Variants in MSH4 observed in about 807,000 individuals in gnomAD.
MSH4 encodes mutS protein homolog 4.
In MSH4, 106 loss-of-function variants were observed where a neutral mutation model predicts 113.7. The ratio of observed to expected loss-of-function variants is 0.93; its 90% confidence interval spans 0.80 to 1.10. MSH4 has a LOEUF of 1.10. MSH4 is among the 50% of genes least tolerant of loss of function. MSH4 has a pLI of 0.00. For synonymous variants in MSH4, 368 were observed against 380.2 expected, an observed-to-expected ratio of 0.97 and a Z score of 0.37; for missense variants, 1,061 against 1,093.7, an observed-to-expected ratio of 0.97 and a Z score of 0.42.
chr1:75,838,974 T>C (rs1650892044), intron 7 of MSH4, among the ~76,000 whole-genome samples: 3 of 152,208 alleles, frequency 2.0e-5, no homozygotes, highest in Non-Finnish European at 2.9e-5. Flanking sequence ...GTTTGATAAT[T>C]CTTATATAAG....
At chr1:75,908,148 G>GT (rs774325755) in intron 19 of MSH4, among the ~76,000 whole-genome samples, 15,005 of 129,330 alleles carry the variant, frequency 0.12, 1,233 homozygotes, top group East Asian at 0.26. Flanking sequence ...ACTTTCATCT[G>GT]TTTTTTTTTT....
intron 10 of MSH4, 72 bp downstream of exon 10, chr1:75,877,072 C>T: frequency 1.0e-6 from 1 of 996,754 alleles, no homozygotes; most frequent in Non-Finnish European, 1.5e-6. Context: ...ATTTTAAAGA[C>T]TCTAATTGTA....
intron 6 of MSH4, among the ~76,000 whole-genome samples, chr1:75,818,826 A>C (rs1366180814): frequency 2.0e-5 from 3 of 151,852 alleles, no homozygotes; most frequent in Non-Finnish European, 2.9e-5. Flanking sequence ...GCAGTGGTGC[A>C]ATCTTGGCTC....
intron 19 of MSH4, among the ~76,000 whole-genome samples, chr1:75,901,986 T>A (rs991855580): frequency 6.6e-6 from 1 of 152,086 alleles, no homozygotes; most frequent in African/African-American, 2.4e-5. Flanking sequence ...CTTATGTTGT[T>A]CCCTCTGCTA....
chr1:75,881,506 C>T, intron 14 of MSH4, 136 bp downstream of exon 14: 1 of 833,612 alleles, frequency 1.2e-6, no homozygotes, highest in Non-Finnish European at 1.7e-6. Context: ...TAGACTAAGA[C>T]ACAAAATAAA....
At chr1:75,872,003 T>G (rs988534066) in intron 9 of MSH4, among the ~76,000 whole-genome samples, 1 of 152,222 alleles carries the variant, frequency 6.6e-6, no homozygotes, top group Non-Finnish European at 1.5e-5. Context: ...ATTCTGAAAC[T>G]TTTTAAGTAC....
intron 7 of MSH4, among the ~76,000 whole-genome samples, chr1:75,832,326 A>C (rs1388810085): frequency 6.6e-6 from 1 of 152,194 alleles, no homozygotes; most frequent in Non-Finnish European, 1.5e-5. Context: ...CCAGGACCAT[A>C]TGGATTCACA....
rs1027830264 is a variant in MSH4, at chr1:75,880,113, T to C, written c.1741T>C (p.Cys581Arg). 5 of 1,597,302 alleles carry C rather than the reference T, an allele frequency of 3.1e-6. No homozygotes were observed. The highest frequency in any genetic ancestry group is 2.2e-5 in the East Asian group (1 of 44,552). Residue 581 changes from cysteine to arginine, a missense_variant, in exon 13 of 20, where the codon TGC becomes CGC. By Grantham distance (180) the Cys-to-Arg change is radical. Transcript: ENST00000263187. ...AGATTTAATTAAAATGAATGAAAGA[T>C]GCCAAGAATCTTTGAGAGAAATCTA... ...SADLIKMNER[C>R]QESLREIYHM... is the part of the protein sequence containing the mutation.
At chr1:75,906,607 A>G (rs1652662383) in intron 19 of MSH4, among the ~76,000 whole-genome samples, 1 of 113,024 alleles carries the variant, frequency 8.8e-6, no homozygotes, top group South Asian at 2.6e-4. Flanking sequence ...GATTTTCATG[A>G]GGCTTATAAA....
intron 8 of MSH4, among the ~76,000 whole-genome samples, chr1:75,855,728 C>T (rs1032780700): frequency 6.6e-6 from 1 of 152,162 alleles, no homozygotes; most frequent in Non-Finnish European, 1.5e-5. Flanking sequence ...TACCCCACTC[C>T]AGTATTACAT....
rs552515889 is a variant in MSH4 at position 75,829,279 on chromosome 1, C to T, written c.1162+6698C>T. Among the ~76,000 whole-genome samples, 428 of 152,244 alleles carry T rather than the reference C, an allele frequency of 2.8e-3. 4 individuals are homozygous for T. Among genetic ancestry groups the T allele is most frequent in the African/African-American group, 9.4e-3 (392 of 41,568 alleles). ...CTGAGGCTTGAGTAGGTAAACAAAGCGGCCAGGAAGCTCAAACTGGGTGGA... is the reference window on the plus strand; with the variant it reads ...CTGAGGCTTGAGTAGGTAAACAAAGTGGCCAGGAAGCTCAAACTGGGTGGA... On this transcript the variant is annotated intron_variant, in intron 7 of 19. Coordinates refer to ENST00000263187, the MANE Select transcript of MSH4 (RefSeq NM_002440.4).
chr1:75,904,105 G>A (rs900080339), intron 19 of MSH4, among the ~76,000 whole-genome samples: 17 of 151,944 alleles, frequency 1.1e-4, no homozygotes, highest in Non-Finnish European at 1.6e-4. Flanking sequence ...ATACTTTTTC[G>A]GCATCTATTG....
At position 75,864,957 on chromosome 1, in the gene MSH4, A is replaced by G. The variant is rs1324370010; in HGVS notation, c.1231-2557A>G. On this transcript the variant is annotated intron_variant, in intron 8 of 19. Transcript: ENST00000263187. ...ATTAGGGAATTGATGCCCTGGCAAC[A>G]GCTCTTAACCAACACTGAATAGGAG... Among the ~76,000 whole-genome samples the G allele has an allele frequency of 2.6e-5, 4 of 152,144 alleles. No individual in the cohort carries two copies. The East Asian group carries it at 7.7e-4, about 29-fold the overall frequency.
chr1:75,910,718 T>C (rs2100600274), intron 19 of MSH4, among the ~76,000 whole-genome samples: 1 of 152,306 alleles, frequency 6.6e-6, no homozygotes, highest in South Asian at 2.1e-4. Context: ...ACTCTGAATC[T>C]ATATATTTTT....
chr1:75,910,153 C>A (rs1468691745), intron 19 of MSH4, among the ~76,000 whole-genome samples: 1 of 151,950 alleles, frequency 6.6e-6, no homozygotes, highest in Non-Finnish European at 1.5e-5. Flanking sequence ...CAAAAGTAAC[C>A]CATGCTTGCT....
chr1:75,816,213 G>A (rs1650288356), intron 5 of MSH4, among the ~76,000 whole-genome samples, 160 bp from the exon 6 acceptor site: 1 of 152,090 alleles, frequency 6.6e-6, no homozygotes, highest in African/African-American at 2.4e-5. Context: ...TTATGATTTA[G>A]AGGTTATTTA....
At chr1:75,851,699 C>T (rs1006452162) in intron 8 of MSH4, among the ~76,000 whole-genome samples, 6 of 152,126 alleles carry the variant, frequency 3.9e-5, no homozygotes, top group African/African-American at 1.4e-4. Flanking sequence ...TGTGAACCAT[C>T]GGACACAGCC....
chr1:75,906,185 T>A (rs1652626018), intron 19 of MSH4, among the ~76,000 whole-genome samples: 1 of 151,548 alleles, frequency 6.6e-6, no homozygotes, highest in Non-Finnish European at 1.5e-5. Context: ...GAGACAGGGT[T>A]TCACCATGTT....
intron 19 of MSH4, among the ~76,000 whole-genome samples, chr1:75,908,477 T>C (rs1380065623): frequency 6.6e-6 from 1 of 152,184 alleles, no homozygotes; most frequent in Non-Finnish European, 1.5e-5. Flanking sequence ...ATTTCTCTGA[T>C]AAATTTATCA....
Sources: gnomAD v4.1 joint callset for allele counts (sites outside exome capture counted in the v4.1 genomes callset) on GRCh38, gnomAD v4.1.1 for gene constraint, MANE v1.5 for transcripts, NCBI Gene and HGNC (gene_info 2026-07-23, HGNC 2026-07-21) for gene names.